BTNL9: variants seen among roughly 807,000 people sequenced by gnomAD.
BTNL9 encodes butyrophilin-like protein 9.
BTNL9 carries 45 observed loss-of-function variants against 45.8 expected under a neutral mutation model. The ratio of observed to expected loss-of-function variants is 0.98; its 90% confidence interval spans 0.77 to 1.26. The LOEUF is 1.26. BTNL9 is among the 50% of genes most tolerant of loss of function. BTNL9 has a pLI of 0.00. For synonymous variants in BTNL9, 346 were observed against 330.8 expected (o/e 1.05, Z -0.50); for missense variants, 784 against 729.7 (o/e 1.07, Z -0.86).
chr5:181,056,340 A>G (rs1320022144), intron 9 of BTNL9, among the ~76,000 whole-genome samples: 1 of 152,194 alleles, frequency 6.6e-6, no homozygotes, highest in African/African-American at 2.4e-5. Context: ...TTCACCCATA[A>G]TGCAGACAGT....
At position 181,053,740 on chromosome 5, in the gene BTNL9, C is replaced by A; in HGVS notation, c.886+239C>A. The A allele has an allele frequency of 6.6e-7, 1 of 1,511,982 alleles. No homozygotes were observed. The highest frequency in any genetic ancestry group is 1.3e-5 in the South Asian group (1 of 78,432). 93.7% of individuals were successfully genotyped at this position (1,511,982 alleles called of 1,614,324 possible). A position where few individuals can be genotyped will look rare whatever the true frequency, so the allele number is the denominator to read the frequency against. ...CTAGTGCACAGATGTCAGGGTTGAC[C>A]GGCTGCTGTCGTTACGCCCTCGGAG... On this transcript the variant is annotated intron_variant, in intron 6 of 10. Coordinates refer to ENST00000327705, the MANE Select transcript of BTNL9 (RefSeq NM_152547.5). This position sits in a 1 kb window ranked among gnomAD's most constrained non-coding sequence, Gnocchi z 6.5.
chr5:181,059,512 T>C lies in BTNL9; in HGVS notation c.1258T>C (p.Trp420Arg), dbSNP rs764247268. ...GCGCCTGAGCCCTGCGGCCGGCTAC[T>C]GGGTGCTGGGGCTGTGGAACGGCTG... ...PARLSPAAGY[W>R]VLGLWNGCEY... is the part of the protein sequence containing the mutation. The change falls in exon 11 of 11, where the codon TGG becomes CGG. Residue 420 changes from tryptophan to arginine, a missense_variant. Physicochemically the swap from Trp to Arg is moderately radical, Grantham distance 101. Coordinates refer to ENST00000327705, the MANE Select transcript of BTNL9 (RefSeq NM_152547.5). 3.9e-5 allele frequency: 62 copies of C among 1,595,846 alleles called. No individual in the cohort carries two copies. Among genetic ancestry groups the C allele is most frequent in the Admixed American group, 5.1e-5 (3 of 58,460 alleles).
chr5:181,042,840 A>G lies in BTNL9; in HGVS notation c.-24+2408A>G, dbSNP rs114029840. Among the ~76,000 whole-genome samples the G allele has an allele frequency of 2.0e-3, 307 of 152,258 alleles. 1 individual carries two copies. Among genetic ancestry groups the G allele is most frequent in the African/African-American group, 7.1e-3 (296 of 41,552 alleles). On this transcript the variant is annotated intron_variant, in intron 1 of 10. Coordinates refer to ENST00000327705, the MANE Select transcript of BTNL9 (RefSeq NM_152547.5). This position sits in a 1 kb window ranked among gnomAD's most constrained non-coding sequence, Gnocchi z 4.5. ...CAGTGCCTCTGTGTGATGGCAGGTTAGGGTGAGTGTTTGGTCTGTGGCCAG... is the reference window on the plus strand; with the variant it reads ...CAGTGCCTCTGTGTGATGGCAGGTTGGGGTGAGTGTTTGGTCTGTGGCCAG...
chr5:181,058,133 A>G (rs1459510750), intron 9 of BTNL9, among the ~76,000 whole-genome samples: 6 of 152,178 alleles, frequency 3.9e-5, no homozygotes, highest in Admixed American at 3.9e-4. Context: ...GCCTGCACGT[A>G]GCTCTGGTAT....
chr5:181,045,582 T>G lies in BTNL9; in HGVS notation c.93T>G (p.Pro31=), dbSNP rs1561975056. 1.9e-6 allele frequency: 3 copies of G among 1,611,866 alleles called. No homozygotes were observed. The highest frequency in any genetic ancestry group is 1.7e-6 in the Non-Finnish European group (2 of 1,178,860). ...VFLMHLLLLQ[P]GEPSSEVKVL... ...TCATGCACCTCCTCCTCCTTCAGCC[T>G]GGGGAGCCGAGCTCAGGTATTGTGT... Residue 31 remains proline, a synonymous_variant, in exon 2 of 11, where the codon CCT becomes CCG. Transcript: ENST00000327705.
chr5:181,052,989 G>C (rs1205149882), intron 4 of BTNL9: 5 of 132,102 alleles, frequency 3.8e-5, no homozygotes, highest in African/African-American at 1.4e-4. Context: ...CCTCCCGCAC[G>C]CCCCGCGGCG....
Position 181,050,238 on chromosome 5 carries a change from T to A in BTNL9, c.605T>A (p.Val202Asp). ...QCLPPEFEAIVWDAQDLFSLE... is the reference protein window; with the variant it reads ...QCLPPEFEAIDWDAQDLFSLE... ...CTGCCTCCAGAGTTTGAAGCCATCG[T>A]CTGGGATGCCCAGGACCTGTTCAGT... is the stretch of plus-strand genomic sequence containing the variant. The change falls in exon 4 of 11, where the codon GTC becomes GAC. Residue 202 changes from valine to aspartate, a missense_variant. Transcript: ENST00000327705. This position sits in a 1 kb window ranked among gnomAD's most constrained non-coding sequence, Gnocchi z 4.9. The A allele has an allele frequency of 6.2e-7, 1 of 1,614,096 alleles. No individual in the cohort carries two copies. The highest frequency in any genetic ancestry group is 1.3e-5 in the African/African-American group (1 of 75,058).
intron 3 of BTNL9, among the ~76,000 whole-genome samples, chr5:181,048,665 G>A (rs1192422755): frequency 1.3e-5 from 2 of 149,756 alleles, no homozygotes; most frequent in South Asian, 4.2e-4. Context: ...GCTGCAGTGA[G>A]CTTGACTTGC....
rs1040629916 is a variant in BTNL9 at position 181,053,795 on chromosome 5, T to G, written c.886+294T>G. 1.4e-5 allele frequency: 21 copies of G among 1,521,216 alleles called. No homozygotes were observed. The Admixed American group carries it at 1.4e-4, about 10-fold the overall frequency. 94.2% of individuals were successfully genotyped at this position (1,521,216 alleles called of 1,614,324 possible). A position where few individuals can be genotyped will look rare whatever the true frequency, so the allele number is the denominator to read the frequency against. On this transcript the variant is annotated intron_variant, in intron 6 of 10. Transcript: ENST00000327705. This position sits in a 1 kb window ranked among gnomAD's most constrained non-coding sequence, Gnocchi z 6.5. ...ACATCACACTGTACAGAGGGAGCGG[T>G]GACCAGGGTCTCTGCTGCCAGCGCC...
rs1035377208 is a variant in BTNL9 at position 181,047,858 on chromosome 5, A to C, written c.110-69A>C. 7 of 1,318,234 alleles carry C rather than the reference A, an allele frequency of 5.3e-6. No individual in the cohort carries two copies. In the Admixed American group the frequency reaches 1.4e-4, roughly 27 times the overall value. 81.7% of individuals were successfully genotyped at this position (1,318,234 alleles called of 1,614,324 possible). A position where few individuals can be genotyped will look rare whatever the true frequency, so the allele number is the denominator to read the frequency against. On this transcript the variant is annotated intron_variant, in intron 2 of 10. Transcript: ENST00000327705. ...GTTTACTGTAGATTCCTCAGCTATA[A>C]AGGGGTGTGATAACTTTTTTAAAAA...
At chr5:181,046,507 G>A (rs115512433) in intron 2 of BTNL9, among the ~76,000 whole-genome samples, 2 of 152,142 alleles carry the variant, frequency 1.3e-5, no homozygotes, top group Non-Finnish European at 2.9e-5. Flanking sequence ...GCCAACAGAG[G>A]GTGCAAACTA....
In BTNL9 at chr5:181,059,328, C is replaced by T. The variant is rs746697373; in HGVS notation, c.1074C>T (p.Gly358=). The part of the protein sequence containing the change: ...KSVSSRGAPP[G]PAPGHPQRFS... Reference sequence around the variant, plus strand: ...TGTCTTCCCGCGGGGCGCCGCCAGGCCCGGCGCCTGGCCACCCGCAGCGGT... The same window carrying T: ...TGTCTTCCCGCGGGGCGCCGCCAGGTCCGGCGCCTGGCCACCCGCAGCGGT... Residue 358 remains glycine, a synonymous_variant, in exon 11 of 11, where the codon GGC becomes GGT. Coordinates refer to ENST00000327705, the MANE Select transcript of BTNL9 (RefSeq NM_152547.5). 7 of 1,551,234 alleles carry T rather than the reference C, an allele frequency of 4.5e-6. No homozygotes were observed. The highest frequency in any genetic ancestry group is 5.2e-6 in the Non-Finnish European group (6 of 1,152,620).
In BTNL9 at chr5:181,048,756, TA is replaced by T. The variant is rs1368866899; in HGVS notation, c.454+486del. 2.3e-4 allele frequency among the ~76,000 whole-genome samples: 33 copies of T among 141,188 alleles called. 2 individuals carry two copies. Among genetic ancestry groups the T allele is most frequent in the African/African-American group, 8.9e-4 (32 of 36,154 alleles). 92.6% of individuals were successfully genotyped at this position (141,188 alleles called of 152,430 possible). Reference sequence around the variant, plus strand: ...ATATATATCTATCTATATATATAGATATAGATATATATAGTATGCTATATAT... The same window carrying T: ...ATATATATCTATCTATATATATAGATTAGATATATATAGTATGCTATATAT... On this transcript the variant is annotated intron_variant, in intron 3 of 10. Transcript: ENST00000327705.
chr5:181,059,556 C>A lies in BTNL9; in HGVS notation c.1302C>A (p.Ala434=). Residue 434 remains alanine, a synonymous_variant, in exon 11 of 11, where the codon GCC becomes GCA. Transcript: ENST00000327705. ...ACGGCTGCGAGTACTTCGTCCTGGC[C>A]CCGCACCGCGTCGCGCTCACCCTGC... ...LWNGCEYFVL[A]PHRVALTLRV... The A allele has an allele frequency of 1.2e-6, 2 of 1,611,002 alleles. No individual in the cohort carries two copies. Among genetic ancestry groups the A allele is most frequent in the Non-Finnish European group, 1.7e-6 (2 of 1,179,424 alleles).
At chr5:181,056,453 T>C (rs1464618085) in intron 9 of BTNL9, 1 of 684,980 alleles carries the variant, frequency 1.5e-6, no homozygotes, top group Non-Finnish European at 2.7e-6. Context: ...GTGATGTTCC[T>C]TGCTTTTCCC....
rs570456263 is a variant in BTNL9, at chr5:181,045,677, G to C, written c.109+79G>C. The C allele has an allele frequency of 3.7e-5, 43 of 1,163,744 alleles. No homozygotes were observed. In the East Asian group the frequency reaches 7.7e-4, roughly 21 times the overall value. 72.1% of individuals were successfully genotyped at this position (1,163,744 alleles called of 1,614,324 possible). On this transcript the variant is annotated intron_variant, in intron 2 of 10. Transcript: ENST00000327705. ...GGTGCTCCCCAGGGCTACGATCTTA[G>C]CACAGTACCAGGGCGTGCCAGACGC...
chr5:181,043,517 CG>C (rs1561973032), intron 1 of BTNL9: 1 of 152,230 alleles, frequency 6.6e-6, no homozygotes, highest in Non-Finnish European at 1.5e-5. Flanking sequence ...ACCTGTCTCG[CG>C]CCCCATTACC....
rs1489024343 is a variant in BTNL9 at position 181,053,828 on chromosome 5, C to G, written c.886+327C>G. 1 of 1,516,142 alleles carries G rather than the reference C, an allele frequency of 6.6e-7. No homozygotes were observed. The highest frequency in any genetic ancestry group is 1.4e-5 in the African/African-American group (1 of 72,628). 93.9% of individuals were successfully genotyped at this position (1,516,142 alleles called of 1,614,324 possible). ...GTCTCTGCTGCCAGCGCCACCTCGTCCAGGTTTTCATAGCGCACAGGGAGT... is the reference window on the plus strand; with the variant it reads ...GTCTCTGCTGCCAGCGCCACCTCGTGCAGGTTTTCATAGCGCACAGGGAGT... On this transcript the variant is annotated intron_variant, in intron 6 of 10. Transcript: ENST00000327705. The surrounding 1 kb of genome is among the most constrained non-coding windows in gnomAD (Gnocchi z 6.5).
chr5:181,059,727 C>T lies in BTNL9; in HGVS notation c.1473C>T (p.His491=), dbSNP rs147052698. The T allele has an allele frequency of 1.2e-4, 201 of 1,613,214 alleles. No homozygotes were observed. The African/African-American group carries it at 2.3e-3, about 19-fold the overall frequency. ...ALCAYFRPRA[H]DGGEHPDPLT... The stretch of plus-strand genomic sequence containing the variant: ...GTGCGTACTTCAGGCCCAGGGCCCA[C>T]GACGGCGGCGAACATCCGGATCCCC... Residue 491 remains histidine (H), a synonymous_variant, in exon 11 of 11, where the codon CAC becomes CAT. Coordinates refer to ENST00000327705, the MANE Select transcript of BTNL9 (RefSeq NM_152547.5).
Sources: gnomAD v4.1 joint callset for allele counts (sites outside exome capture counted in the v4.1 genomes callset) on GRCh38, gnomAD v4.1.1 for gene constraint, Gnocchi (gnomAD v3.1) non-coding constraint, MANE v1.5 for transcripts, NCBI Gene and HGNC (gene_info 2026-07-23, HGNC 2026-07-21) for gene names.